SFI1: variants seen among roughly 807,000 people sequenced by gnomAD.
SFI1 encodes protein SFI1 homolog.
In SFI1, 195 loss-of-function variants were observed where a neutral mutation model predicts 207.5. The ratio of observed to expected loss-of-function variants is 0.94; its 90% CI spans 0.84 to 1.06. SFI1 has a LOEUF of 1.06. SFI1 is among the 50% of genes least tolerant of loss of function. SFI1 has a pLI of 0.00. For missense variants in SFI1, 1,634 were observed against 1,588.0 expected (o/e 1.03, Z -0.49); for synonymous variants, 630 against 598.9 (o/e 1.05, Z -0.76).
At chr22:31,572,494 C>G (rs141110731) in intron 8 of SFI1, among the ~76,000 whole-genome samples, 2 of 152,094 alleles carry the variant, frequency 1.3e-5, no homozygotes, top group Non-Finnish European at 2.9e-5. Flanking sequence ...TGTTTCTGCT[C>G]CTTGTCTGCT....
rs1467065320 is a variant in SFI1 at position 31,616,994 on chromosome 22, C to T, written c.3434-6C>T. On this transcript the variant is annotated splice_region_variant and splice_polypyrimidine_tract_variant and intron_variant, in intron 30 of 32. Transcript: ENST00000400288. The stretch of plus-strand genomic sequence containing the variant: ...GTCTGAAACAAGCTTACTTCTGTCG[C>T]CATAGGCAGCCTGGACCTTGAGGCT... 6.2e-7 allele frequency: 1 copy of T among 1,614,068 alleles called. No homozygotes were observed. The highest frequency in any genetic ancestry group is 1.1e-5 in the South Asian group (1 of 91,080).
At position 31,564,548 on chromosome 22, in the gene SFI1, A is replaced by G. The variant is rs982092201; in HGVS notation, c.765+3156A>G. Among the ~76,000 whole-genome samples the G allele has an allele frequency of 2.0e-5, 3 of 152,074 alleles. No individual in the cohort carries two copies. The East Asian group carries it at 5.8e-4, about 29-fold the overall frequency. On this transcript the variant is annotated intron_variant, in intron 8 of 32. Coordinates refer to ENST00000400288, the MANE Select transcript of SFI1 (RefSeq NM_001007467.3). ...GGGACAGGATCTTACTCTGCTGCCC[A>G]GTCTGGAGTGCAGTGGTACCATCAT...
At position 31,604,318 on chromosome 22, in the gene SFI1, C is replaced by T. The variant is rs771814623; in HGVS notation, c.1891C>T (p.Leu631=). ...TCTCCTCTGTCTGCAGTGCCTGGCC[C>T]TGCGGGGAGCGGAGCGGCAGAAGCT... The part of the protein sequence containing the change: ...AWSQWRECLA[L]RGAERQKLMR... The change falls in exon 19 of 33, where the codon CTG becomes TTG. Residue 631 remains leucine (L), a synonymous_variant. Coordinates refer to ENST00000400288, the MANE Select transcript of SFI1 (RefSeq NM_001007467.3). 3.2e-6 allele frequency: 5 copies of T among 1,576,298 alleles called. No homozygotes were observed. The East Asian group carries it at 9.2e-5, about 29-fold the overall frequency.
At chr22:31,572,758 C>G (rs187826226) in intron 8 of SFI1, 2 of 198,426 alleles carry the variant, frequency 1.0e-5, no homozygotes, top group Non-Finnish European at 2.1e-5. Context: ...CCTCCTCGGC[C>G]TCCCAAAGTG....
chr22:31,587,301 A>ATTTGTTTTGT (rs71202101), intron 14 of SFI1: 328,900 of 351,224 alleles, frequency 0.94, 154,029 homozygotes, highest in East Asian at 0.98. Context: ...ATGCCAATTT[A>ATTTGTTTTGT]TTTGTTTTGT....
chr22:31,599,082 G>A (rs533623631), intron 15 of SFI1, among the ~76,000 whole-genome samples: 13 of 151,320 alleles, frequency 8.6e-5, no homozygotes, highest in South Asian at 6.3e-4. Flanking sequence ...GTGAGCCACC[G>A]CGCCCGGCCC....
intron 15 of SFI1, among the ~76,000 whole-genome samples, chr22:31,599,337 T>G (rs942534633): frequency 5.3e-5 from 8 of 151,894 alleles, no homozygotes; most frequent in African/African-American, 1.7e-4. Flanking sequence ...AGCCTTTTTT[T>G]TTGAGACAGA....
intron 4 of SFI1, among the ~76,000 whole-genome samples, chr22:31,533,578 CA>C (rs11334412): frequency 0.67 from 100,080 of 148,898 alleles, 33,880 homozygotes; most frequent in Non-Finnish European, 0.73. Flanking sequence ...GAAAAAGAAA[CA>C]AAAAAAAAAA....
At chr22:31,525,160 T>C (rs2057761778) in intron 2 of SFI1, among the ~76,000 whole-genome samples, 1 of 152,200 alleles carries the variant, frequency 6.6e-6, no homozygotes, top group Non-Finnish European at 1.5e-5. Context: ...CAGAAGTTTT[T>C]GAGATTATCC....
At chr22:31,531,893 C>CAA (rs747573343) in intron 4 of SFI1, among the ~76,000 whole-genome samples, 10 of 111,736 alleles carry the variant, frequency 8.9e-5, no homozygotes, top group Admixed American at 1.9e-4. Context: ...AAGTCCCTCT[C>CAA]AAAAAAAAAA....
chr22:31,572,975 G>A, intron 8 of SFI1, 83 bp from the exon 9 acceptor site: 1 of 1,406,704 alleles, frequency 7.1e-7, no homozygotes, highest in South Asian at 1.3e-5. Flanking sequence ...CAGCGTGTGT[G>A]CCTTTCTCTT....
chr22:31,588,856 AC>A (rs1477761570), intron 14 of SFI1, among the ~76,000 whole-genome samples: 3 of 151,292 alleles, frequency 2.0e-5, no homozygotes, highest in African/African-American at 7.3e-5. Context: ...AAAACATAAA[AC>A]CTCTATACAT....
Position 31,528,836 on chromosome 22 carries a change from A to C in SFI1, c.239A>C (p.Gln80Pro). Residue 80 changes from glutamine (Q) to proline (P), a missense_variant, in exon 3 of 33, where the codon CAG becomes CCG. By Grantham distance (76) the Gln-to-Pro change is moderately conservative. Coordinates refer to ENST00000400288, the MANE Select transcript of SFI1 (RefSeq NM_001007467.3). ...QYRGTHTCTR[Q>P]GRLRELRIRC... ...CGTGGCACACATACTTGTACCCGACAGGGCCGGTTAAGAGAACTGCGCATC... is the reference window on the plus strand; with the variant it reads ...CGTGGCACACATACTTGTACCCGACCGGGCCGGTTAAGAGAACTGCGCATC... 6.2e-7 allele frequency: 1 copy of C among 1,613,912 alleles called. No homozygotes were observed.
chr22:31,556,226 C>CT (rs564804510), intron 6 of SFI1, among the ~76,000 whole-genome samples: 324 of 139,708 alleles, frequency 2.3e-3, no homozygotes, highest in Middle Eastern at 7.6e-3. Flanking sequence ...TTTTTCTTTT[C>CT]TTTTTTTTTT....
chr22:31,554,846 AT>A (rs1375803815), intron 6 of SFI1, among the ~76,000 whole-genome samples: 1 of 152,056 alleles, frequency 6.6e-6, no homozygotes, highest in Non-Finnish European at 1.5e-5. Context: ...TATTACACGA[AT>A]TTTAATAAGT....
intron 3 of SFI1, 163 bp from the exon 4 acceptor site, chr22:31,530,895 T>A: frequency 1.7e-6 from 1 of 602,730 alleles, no homozygotes; most frequent in East Asian, 2.8e-5. Context: ...ATCTGCCCCA[T>A]CCTATGCCCT....
At chr22:31,579,059 A>C (rs2063807551) in intron 11 of SFI1, among the ~76,000 whole-genome samples, 1 of 152,164 alleles carries the variant, frequency 6.6e-6, no homozygotes, top group Non-Finnish European at 1.5e-5. Context: ...TTCTGGGCTC[A>C]AGCAATCCTC....
Position 31,589,589 on chromosome 22 carries a change from AGCTCCTGTCTGCACT to A in SFI1, c.1544+14_1544+28del. On this transcript the variant is annotated intron_variant, in intron 15 of 32. Transcript: ENST00000400288. ...ACACGTTTCCACAGGTATGTTGCGC[AGCTCCTGTCTGCACT>A]GGGGCAGGTGTTTCAAATCTAACTC... 1 of 1,608,508 alleles carries A rather than the reference AGCTCCTGTCTGCACT, an allele frequency of 6.2e-7. No homozygotes were observed. The highest frequency in any genetic ancestry group is 8.5e-7 in the Non-Finnish European group (1 of 1,178,240).
chr22:31,554,484 A>AT (rs1307075075), intron 6 of SFI1, among the ~76,000 whole-genome samples: 1 of 144,484 alleles, frequency 6.9e-6, no homozygotes, highest in Admixed American at 6.9e-5. Flanking sequence ...AATTTTTTGT[A>AT]TTTTTAATAG....
Sources: gnomAD v4.1 joint callset for allele counts (sites outside exome capture counted in the v4.1 genomes callset) on GRCh38, gnomAD v4.1.1 for gene constraint, MANE v1.5 for transcripts, NCBI Gene and HGNC (gene_info 2026-07-23, HGNC 2026-07-21) for gene names.